The following IQSEC1 variants were observed in gnomAD, a reference collection of about 807,000 sequenced individuals.
The protein encoded by IQSEC1 is IQ motif and SEC7 domain-containing protein 1.
Under a neutral mutation model 91.0 loss-of-function variants are expected in IQSEC1, and 31 were observed. That is an observed-to-expected ratio of 0.34 (90% CI 0.26 to 0.46). IQSEC1 has a LOEUF of 0.46. IQSEC1 is among the 20% of genes least tolerant of loss of function. The pLI, the probability that IQSEC1 is intolerant of heterozygous loss-of-function variation, is 1.00. For synonymous variants in IQSEC1, 699 were observed against 662.6 expected (o/e 1.05, Z -0.84); for missense variants, 1,388 against 1,575.6 (o/e 0.88, Z 2.02).
In IQSEC1 at chr3:12,967,759, AGGGCGAGCTGGGGGCGGG is replaced by A. The variant is rs1225940880; in HGVS notation, c.24-25912_24-25895del. 11 of 954,152 alleles carry A rather than the reference AGGGCGAGCTGGGGGCGGG, an allele frequency of 1.2e-5. No individual in the cohort carries two copies. The Admixed American group carries it at 5.2e-4, about 45-fold the overall frequency. The allele number at this position is 954,152 out of a possible 1,614,324, so 59.1% of individuals were successfully genotyped here. On this transcript the variant is annotated intron_variant, in intron 1 of 13. Transcript: ENST00000613206. The surrounding 1 kb of genome is among the most constrained non-coding windows in gnomAD (Gnocchi z 5.9). ...CGGGGCAGGGCGGGGGCGGGGCCGG[AGGGCGAGCTGGGGGCGGG>A]GCCGGAGGGCGAGCTGGGGGCGGGG...
chr3:13,069,475 C>T (rs925720781), intron 1 of IQSEC1, among the ~76,000 whole-genome samples: 2 of 152,208 alleles, frequency 1.3e-5, no homozygotes, highest in Admixed American at 1.3e-4. Flanking sequence ...GGCTTCGCTT[C>T]CTTCATGAAG....
chr3:13,129,783 G>A (rs1174681544), intron 2 of IQSEC1, among the ~76,000 whole-genome samples: 11 of 148,370 alleles, frequency 7.4e-5, no homozygotes, highest in African/African-American at 1.2e-4. Flanking sequence ...TCAGCCTCCC[G>A]AGTAGCTGGG....
At chr3:13,200,569 G>T (rs1694225790) in intron 1 of IQSEC1, among the ~76,000 whole-genome samples, 1 of 152,230 alleles carries the variant, frequency 6.6e-6, no homozygotes, top group Non-Finnish European at 1.5e-5. Context: ...GAGCGCCCCA[G>T]GTCAGGGTGA....
chr3:13,026,101 G>A (rs1303596528), intron 1 of IQSEC1, among the ~76,000 whole-genome samples: 1 of 152,248 alleles, frequency 6.6e-6, no homozygotes, highest in Non-Finnish European at 1.5e-5. Flanking sequence ...CAGGAGGTCA[G>A]GAGGTGGAGG....
intron 1 of IQSEC1, among the ~76,000 whole-genome samples, chr3:13,245,241 C>G (rs1461192540): frequency 6.6e-6 from 1 of 152,154 alleles, no homozygotes; most frequent in African/African-American, 2.4e-5. Context: ...AGACTTGGCT[C>G]TCCTCCACGT....
In IQSEC1 at chr3:12,979,573, C is replaced by T. The variant is rs528136588; in HGVS notation, c.24-37708G>A. On this transcript the variant is annotated intron_variant, in intron 1 of 13. Coordinates refer to ENST00000613206, the MANE Select transcript of IQSEC1 (RefSeq NM_001134382.3). The surrounding 1 kb of genome is among the most constrained non-coding windows in gnomAD (Gnocchi z 4.3). ...GGGAGGGGAATGGGACGTGGAAGGG[C>T]GTGGCGCATAGCTCACTGTGTACCC... Among the ~76,000 whole-genome samples, 114 of 152,292 alleles carry T rather than the reference C, an allele frequency of 7.5e-4. No homozygotes were observed. Among genetic ancestry groups the T allele is most frequent in the African/African-American group, 2.6e-3 (108 of 41,552 alleles).
rs1241781439 is a variant in IQSEC1, at chr3:12,994,629, G to A, written c.24-52764C>T. 6.6e-6 allele frequency among the ~76,000 whole-genome samples: 1 copy of A among 152,116 alleles called. No homozygotes were observed. The highest frequency in any genetic ancestry group is 6.6e-5 in the Admixed American group (1 of 15,266). On this transcript the variant is annotated intron_variant, in intron 1 of 13. Transcript: ENST00000613206. This position sits in a 1 kb window ranked among gnomAD's most constrained non-coding sequence, Gnocchi z 4.5. ...GCCCCGGCCGAAACGCCCCACCCCC[G>A]CCGCCGTCCCCAGTTCGCAGATGGG...
At chr3:12,984,815 A>ATTTTT (rs767194681) in intron 1 of IQSEC1, among the ~76,000 whole-genome samples, 8 of 102,210 alleles carry the variant, frequency 7.8e-5, no homozygotes, top group African/African-American at 1.4e-4. Flanking sequence ...AAGCAATTAC[A>ATTTTT]TTTTTTTTTT....
intron 1 of IQSEC1, among the ~76,000 whole-genome samples, chr3:13,041,908 C>T (rs1313426948): frequency 1.3e-5 from 2 of 152,228 alleles, no homozygotes; most frequent in Non-Finnish European, 2.9e-5. Context: ...GGCAGGCCAA[C>T]CCTTGAGTCA....
rs770811609 is a variant in IQSEC1, at chr3:12,902,811, G to A, written c.2767C>T (p.Arg923Cys). Reference protein sequence around the residue: ...RDLSEAGKRGRRSSAGSLESN... With the variant: ...RDLSEAGKRGCRSSAGSLESN... Reference sequence around the variant, plus strand: ...TCTAGCGATCCCGCACTGCTGCGACGCCCTCGCTTCCCTGCCCAGAACATG... The same window carrying A: ...TCTAGCGATCCCGCACTGCTGCGACACCCTCGCTTCCCTGCCCAGAACATG... Residue 923 changes from arginine to cysteine, a missense_variant, in exon 13 of 14, where the codon CGT (arginine) becomes TGT (cysteine). Physicochemically the swap from Arg to Cys is radical, Grantham distance 180 (BLOSUM62 -3). Coordinates refer to ENST00000613206, the MANE Select transcript of IQSEC1 (RefSeq NM_001134382.3). The A allele has an allele frequency of 3.1e-6, 5 of 1,612,448 alleles. No homozygotes were observed. The highest frequency in any genetic ancestry group is 2.2e-5 in the South Asian group (2 of 91,022).
intron 1 of IQSEC1, among the ~76,000 whole-genome samples, chr3:13,016,045 T>C (rs1311079004): frequency 6.6e-6 from 1 of 152,056 alleles, no homozygotes; most frequent in East Asian, 1.9e-4. Flanking sequence ...CAGGGGTCCC[T>C]GGAGAGAGGG....
Position 12,941,749 on chromosome 3 carries a change from G to T in IQSEC1, c.140C>A (p.Thr47Lys). ...GTACAGCCCATAGGCTCCCACTGAC[G>T]TGTGCTCGTAGTGATCCGGGCTCAG... ...SSLSPDHYEH[T>K]SVGAYGLYSG... The change falls in exon 2 of 14, where the codon ACG becomes AAG. Residue 47 changes from threonine to lysine, a missense_variant. This residue lies in a region of IQSEC1 where 1,059 missense variants were observed against 1,317.8 expected (regional missense o/e 0.80). Transcript: ENST00000613206. The T allele has an allele frequency of 3.7e-6, 6 of 1,612,342 alleles. No homozygotes were observed. Among genetic ancestry groups the T allele is most frequent in the Non-Finnish European group, 5.1e-6 (6 of 1,179,968 alleles).
intron 2 of IQSEC1, among the ~76,000 whole-genome samples, chr3:13,141,097 GA>G (rs1488750587): frequency 6.6e-6 from 1 of 152,234 alleles, no homozygotes; most frequent in Non-Finnish European, 1.5e-5. Context: ...TACGAGCACG[GA>G]AAATCCGCTG....
intron 2 of IQSEC1, among the ~76,000 whole-genome samples, chr3:13,144,745 C>T (rs1190250031): frequency 6.6e-6 from 1 of 152,248 alleles, no homozygotes; most frequent in African/African-American, 2.4e-5. Flanking sequence ...AAGAAATCCA[C>T]AGCCCAGCAC....
At chr3:13,225,878 A>ATTTTTTT (rs59308345) in intron 1 of IQSEC1, among the ~76,000 whole-genome samples, 1 of 150,188 alleles carries the variant, frequency 6.7e-6, no homozygotes. Flanking sequence ...TAATTCATCA[A>ATTTTTTT]TTTTTTTTTT....
chr3:13,139,590 G>A (rs962501910), intron 2 of IQSEC1, among the ~76,000 whole-genome samples: 3 of 152,242 alleles, frequency 2.0e-5, no homozygotes, highest in Non-Finnish European at 2.9e-5. Flanking sequence ...TCCAGTGACA[G>A]GGTGTTTGCG....
intron 1 of IQSEC1, among the ~76,000 whole-genome samples, chr3:12,956,233 G>A (rs1005784505): frequency 6.6e-6 from 1 of 152,074 alleles, no homozygotes; most frequent in Non-Finnish European, 1.5e-5. Context: ...GCCTATTGAC[G>A]GCATCCATGT....
intron 2 of IQSEC1, among the ~76,000 whole-genome samples, chr3:13,155,681 A>G (rs1707074891): frequency 6.6e-6 from 1 of 152,198 alleles, no homozygotes; most frequent in South Asian, 2.1e-4. Context: ...AAAACAACAC[A>G]CTAATACCTC....
chr3:12,944,400 C>G (rs988435875), intron 1 of IQSEC1, among the ~76,000 whole-genome samples: 3 of 152,220 alleles, frequency 2.0e-5, no homozygotes, highest in Admixed American at 6.5e-5. Flanking sequence ...GACTTCAGGC[C>G]CCAGAGCCTC....
Sources: allele counts gnomAD v4.1 joint callset (sites outside exome capture counted in the v4.1 genomes callset), GRCh38; gene constraint gnomAD v4.1.1; regional missense constraint gnomAD v4.1.1; non-coding constraint Gnocchi (gnomAD v3.1); transcripts MANE v1.5; gene names NCBI Gene and HGNC (gene_info 2026-07-23, HGNC 2026-07-21).